The following COL18A1 variants were observed in gnomAD, a reference collection of about 807,000 sequenced individuals.
COL18A1 encodes collagen type XVIII alpha 1 chain, also known as collagen alpha-1(XVIII) chain.
Under a neutral mutation model 168.0 loss-of-function variants are expected in COL18A1, and 133 were observed. That is an observed-to-expected ratio of 0.79 (90% CI 0.69 to 0.91). The LOEUF (loss-of-function observed/expected upper bound fraction) is 0.91. Ranked by LOEUF, COL18A1 falls within the 40% of genes least tolerant of loss-of-function variation. The pLI, the probability that COL18A1 is intolerant of heterozygous loss-of-function variation, is 0.00. For missense variants in COL18A1, 2,126 were observed against 1,925.4 expected (o/e 1.10, Z -1.95); for synonymous variants, 949 against 809.0 (o/e 1.17, Z -2.94).
intron 9 of COL18A1, among the ~76,000 whole-genome samples, chr21:45,479,313 TTACAC>T (rs1480454960): frequency 2.0e-5 from 3 of 148,220 alleles, no homozygotes; most frequent in Non-Finnish European, 3.0e-5. Context: ...ACACCACACA[TTACAC>T]CACACGTGGA....
chr21:45,488,745 G>T (rs1228983843), intron 18 of COL18A1, among the ~76,000 whole-genome samples: 2 of 152,108 alleles, frequency 1.3e-5, no homozygotes, highest in East Asian at 3.9e-4. Context: ...CGAAAAGAGG[G>T]GCATAGGGGA....
intron 37 of COL18A1, chr21:45,506,194 G>A (rs989016278): frequency 2.9e-5 from 17 of 586,120 alleles, no homozygotes; most frequent in African/African-American, 1.3e-4. Flanking sequence ...AACACATGGC[G>A]TGTGAGGGGC....
intron 2 of COL18A1, chr21:45,420,568 T>C (rs1159160927): frequency 1.3e-5 from 2 of 152,016 alleles, no homozygotes; most frequent in East Asian, 3.9e-4. Flanking sequence ...ACCGGACAAT[T>C]TGGGTCCCAA....
rs1052815559 is a variant in COL18A1 at position 45,501,720 on chromosome 21, G to A, written c.2684-2291G>A. 5.7e-3 allele frequency among the ~76,000 whole-genome samples: 739 copies of A among 130,568 alleles called. 2 individuals carry two copies. The highest frequency in any genetic ancestry group is 0.021 in the African/African-American group (710 of 33,686). 85.7% of individuals were successfully genotyped at this position (130,568 alleles called of 152,430 possible). A position where few individuals can be genotyped will look rare whatever the true frequency, so the allele number is the denominator to read the frequency against. On this transcript the variant is annotated intron_variant, in intron 32 of 41. Coordinates refer to ENST00000651438, the MANE Select transcript of COL18A1 (RefSeq NM_001379500.1). Reference sequence around the variant, plus strand: ...GCTCCACAGCCGGTCACCTCCCTCTGCAGAAGGACCCCCAGGGGCTCCACA... The same window carrying A: ...GCTCCACAGCCGGTCACCTCCCTCTACAGAAGGACCCCCAGGGGCTCCACA...
At chr21:45,493,612 G>A (rs2036434531) in intron 26 of COL18A1, 37 bp downstream of exon 26, 1 of 1,461,840 alleles carries the variant, frequency 6.8e-7, no homozygotes, top group Non-Finnish European at 9.4e-7. Flanking sequence ...CAGGCGTGGG[G>A]GCTCCTGGGG....
intron 2 of COL18A1, among the ~76,000 whole-genome samples, chr21:45,446,717 C>G (rs2034512507): frequency 6.6e-6 from 1 of 151,714 alleles, no homozygotes; most frequent in Non-Finnish European, 1.5e-5. Context: ...AAATTGCAGA[C>G]TAGTTTATCT....
intron 2 of COL18A1, among the ~76,000 whole-genome samples, chr21:45,429,062 G>A (rs992864802): frequency 5.9e-5 from 9 of 151,544 alleles, no homozygotes; most frequent in African/African-American, 1.7e-4. Context: ...CACCCCACCC[G>A]GCCAATTTTT....
chr21:45,476,608 GTGTGTGTGA>G, intron 6 of COL18A1, 128 bp downstream of exon 6: 1 of 1,195,596 alleles, frequency 8.4e-7, no homozygotes, highest in Non-Finnish European at 1.2e-6. Flanking sequence ...TATGGTACAT[GTGTGTGTGA>G]TATGGCACGT....
chr21:45,492,665 G>A, intron 23 of COL18A1, 22 bp from the exon 24 acceptor site: 2 of 1,611,682 alleles, frequency 1.2e-6, no homozygotes, highest in South Asian at 2.2e-5. Flanking sequence ...GACCCCAGCT[G>A]ACGCCGTCCC....
In COL18A1 at chr21:45,463,649, G is replaced by A. The variant is rs2035110655; in HGVS notation, c.107-4593G>A. Among the ~76,000 whole-genome samples the A allele has an allele frequency of 6.6e-6, 1 of 152,172 alleles. No homozygotes were observed. Among genetic ancestry groups the A allele is most frequent in the South Asian group, 2.1e-4 (1 of 4,832 alleles). Reference sequence around the variant, plus strand: ...ATGGTGGCTCACGTCTGTAATCCCAGCACTTTGGGATGCCGAGGCATGCGG... The same window carrying A: ...ATGGTGGCTCACGTCTGTAATCCCAACACTTTGGGATGCCGAGGCATGCGG... On this transcript the variant is annotated intron_variant, in intron 2 of 41. Coordinates refer to ENST00000651438, the MANE Select transcript of COL18A1 (RefSeq NM_001379500.1). This position sits in a 1 kb window ranked among gnomAD's most constrained non-coding sequence, Gnocchi z 4.0.
intron 27 of COL18A1, 122 bp from the exon 28 acceptor site, chr21:45,494,740 C>T (rs989134569): frequency 3.4e-5 from 43 of 1,279,044 alleles, no homozygotes; most frequent in African/African-American, 2.2e-4. Context: ...TGGGCTCCTC[C>T]GAGCTGATGG....
chr21:45,510,441 C>T lies in COL18A1; in HGVS notation c.3693+180C>T, dbSNP rs187265914. On this transcript the variant is annotated intron_variant, in intron 40 of 41. Transcript: ENST00000651438. ...GGGTCACACCCCTCCAGGCTCAGGC[C>T]AGGCCTCTGCATCCCTGGGCACTGC... Among the ~76,000 whole-genome samples the T allele has an allele frequency of 1.5e-3, 224 of 152,286 alleles. 3 individuals are homozygous for T. The highest frequency in any genetic ancestry group is 0.014 in the Admixed American group (220 of 15,308).
At chr21:45,414,641 A>G (rs1315700533) in intron 2 of COL18A1, among the ~76,000 whole-genome samples, 1 of 152,196 alleles carries the variant, frequency 6.6e-6, no homozygotes, top group Non-Finnish European at 1.5e-5. Flanking sequence ...TGAGGGCCTC[A>G]CGGACAGCCA....
At chr21:45,439,557 C>G (rs1038262110) in intron 2 of COL18A1, among the ~76,000 whole-genome samples, 1 of 148,858 alleles carries the variant, frequency 6.7e-6, no homozygotes, top group African/African-American at 2.4e-5. Context: ...ATGCCTGGGC[C>G]TCTGGCTCCC....
chr21:45,511,560 A>G (rs754077132), intron 41 of COL18A1, among the ~76,000 whole-genome samples: 8 of 152,128 alleles, frequency 5.3e-5, no homozygotes, highest in Non-Finnish European at 1.2e-4. Flanking sequence ...CACCGAGAAT[A>G]AACTCCTCAA....
chr21:45,497,216 C>T (rs2036573164), intron 31 of COL18A1, 124 bp downstream of exon 31: 3 of 740,964 alleles, frequency 4.0e-6, no homozygotes, highest in Admixed American at 3.9e-5. Context: ...GCTACACGCC[C>T]AGCCCACGCC....
intron 4 of COL18A1, 37 bp downstream of exon 4, chr21:45,474,018 C>G (rs1205618003): frequency 1.3e-6 from 2 of 1,501,982 alleles, no homozygotes; most frequent in Non-Finnish European, 1.8e-6. Context: ...GGTCTCCCCT[C>G]AATCCCTGGC....
intron 2 of COL18A1, among the ~76,000 whole-genome samples, chr21:45,466,961 A>G (rs1042244943): frequency 1.3e-5 from 2 of 152,146 alleles, no homozygotes; most frequent in African/African-American, 4.8e-5. Flanking sequence ...AAAAAGGATC[A>G]TTGTAACAGC....
rs8130721 is a variant in COL18A1 at position 45,445,527 on chromosome 21, G to A, written c.107-22715G>A. 9.0e-3 allele frequency among the ~76,000 whole-genome samples: 1,377 copies of A among 152,290 alleles called. 12 individuals are homozygous for A. Among genetic ancestry groups the A allele is most frequent in the African/African-American group, 0.031 (1,300 of 41,560 alleles). On this transcript the variant is annotated intron_variant, in intron 2 of 41. Coordinates refer to ENST00000651438, the MANE Select transcript of COL18A1 (RefSeq NM_001379500.1). ...ACTGTGTTTACTCATTTGAGCAGCC[G>A]CCAGCCTGCTTTCCCAAGTGTCTGC...
Sources: gnomAD v4.1 joint callset for allele counts (sites outside exome capture counted in the v4.1 genomes callset) on GRCh38, gnomAD v4.1.1 for gene constraint, Gnocchi (gnomAD v3.1) non-coding constraint, MANE v1.5 for transcripts, NCBI Gene and HGNC (gene_info 2026-07-23, HGNC 2026-07-21) for gene names.